The following ADGRV1 variants were observed in gnomAD, a reference collection of about 807,000 sequenced individuals.
ADGRV1 encodes the protein G-protein coupled receptor 98.
Under a neutral mutation model 596.2 loss-of-function variants are expected in ADGRV1, and 359 were observed. The observed-to-expected ratio is 0.60, with a 90% CI of 0.55 to 0.66. The LOEUF (loss-of-function observed/expected upper bound fraction) is 0.66, where lower values mean the gene tolerates loss of function less well. Ranked by LOEUF, ADGRV1 falls within the 30% of genes least tolerant of loss-of-function variation. The pLI, the probability that ADGRV1 is intolerant of heterozygous loss-of-function variation, is 0.00. For missense variants in ADGRV1, 7,274 were observed against 7,575.6 expected, an observed-to-expected ratio of 0.96 and a Z score of 1.48; for synonymous variants, 2,681 against 2,679.2, an observed-to-expected ratio of 1.00 and a Z score of -0.02.
chr5:90,595,555 G>A (rs1424722830), intron 1 of ADGRV1, among the ~76,000 whole-genome samples: 1 of 133,598 alleles, frequency 7.5e-6, no homozygotes, highest in Non-Finnish European at 1.6e-5. Context: ...CGGCTGGCCG[G>A]GCGGGGGGCT....
At chr5:91,102,066 T>C (rs1791428602) in intron 86 of ADGRV1, among the ~76,000 whole-genome samples, 153 bp from the exon 87 acceptor site, 1 of 152,204 alleles carries the variant, frequency 6.6e-6, no homozygotes, top group Non-Finnish European at 1.5e-5. Flanking sequence ...CTCAGCAATG[T>C]GCCTTCTCCC....
At chr5:91,091,325 C>T (rs766835398) in intron 86 of ADGRV1, among the ~76,000 whole-genome samples, 25 of 152,216 alleles carry the variant, frequency 1.6e-4, no homozygotes, top group Non-Finnish European at 3.2e-4. Flanking sequence ...TTTCTCTGTG[C>T]ACCTTCCCTA....
At chr5:91,094,354 G>T (rs1790663866) in intron 86 of ADGRV1, among the ~76,000 whole-genome samples, 1 of 151,838 alleles carries the variant, frequency 6.6e-6, no homozygotes, top group Non-Finnish European at 1.5e-5. Context: ...AGCTACTCGG[G>T]AGACTGAGGC....
At chr5:91,119,864 G>A (rs1215530469) in intron 87 of ADGRV1, among the ~76,000 whole-genome samples, 1 of 152,150 alleles carries the variant, frequency 6.6e-6, no homozygotes, top group Non-Finnish European at 1.5e-5. Flanking sequence ...AACAGCTATT[G>A]GATTTGCAGA....
intron 85 of ADGRV1, among the ~76,000 whole-genome samples, chr5:91,066,532 T>A (rs1787897791): frequency 6.6e-6 from 1 of 152,180 alleles, no homozygotes; most frequent in Non-Finnish European, 1.5e-5. Context: ...ATAATACCTA[T>A]CAGCTTTAAA....
chr5:90,650,943 G>A (rs1359608692), intron 17 of ADGRV1, among the ~76,000 whole-genome samples: 1 of 152,184 alleles, frequency 6.6e-6, no homozygotes, highest in Admixed American at 6.5e-5. Flanking sequence ...AACAGCTGGA[G>A]TAAAGATGAA....
chr5:90,932,466 C>G (rs762159637), intron 83 of ADGRV1, among the ~76,000 whole-genome samples: 25 of 152,010 alleles, frequency 1.6e-4, no homozygotes, highest in Non-Finnish European at 2.2e-4. Flanking sequence ...TTAAAACAAA[C>G]CAACAAAAAC....
Position 90,653,262 on chromosome 5 carries a change from G to A in ADGRV1, c.3688G>A (p.Val1230Ile), listed in dbSNP as rs1229215280. The change falls in exon 20 of 90, where the codon GTA (valine) becomes ATA (isoleucine). Residue 1230 changes from valine to isoleucine, a missense_variant. By Grantham distance (29) the Val-to-Ile change is conservative. Around this residue, in one of 5 missense-constraint regions of ADGRV1, gnomAD observed 1,715 missense variants for 1,708.8 expected, o/e 1.00. Coordinates refer to ENST00000405460, the MANE Select transcript of ADGRV1 (RefSeq NM_032119.4). ...AGCAGAAACCAACCTCCAGGTGACA[G>A]TAATGGTTCCATTCAATGATGATCC... ...QLAETNLQVT[V>I]MVPFNDDPFG... is the part of the protein sequence containing the mutation. 6.2e-7 allele frequency: 1 copy of A among 1,613,728 alleles called. No homozygotes were observed. The highest frequency in any genetic ancestry group is 8.5e-7 in the Non-Finnish European group (1 of 1,179,768).
chr5:90,823,477 G>T lies in ADGRV1; in HGVS notation c.16249G>T (p.Val5417Phe), dbSNP rs375876245. ...FWRVTLNKTV[V>F]VLQKDGVNLV... The stretch of plus-strand genomic sequence containing the variant: ...GCGAGTCACACTTAACAAAACAGTC[G>T]TCGTGCTCCAGAAGGATGGGGTAAA... Residue 5417 changes from valine to phenylalanine, a missense_variant, in exon 76 of 90, where the codon GTC (valine) becomes TTC (phenylalanine). By Grantham distance (50) the Val-to-Phe change is conservative (BLOSUM62 -1). Transcript: ENST00000405460. The T allele has an allele frequency of 3.7e-6, 6 of 1,613,900 alleles. No individual in the cohort carries two copies. The South Asian group carries it at 5.5e-5, about 15-fold the overall frequency.
intron 21 of ADGRV1, among the ~76,000 whole-genome samples, chr5:90,666,864 T>A (rs1580662316): frequency 1.3e-5 from 2 of 151,826 alleles, no homozygotes; most frequent in East Asian, 3.9e-4. Flanking sequence ...TCTCCTTCAC[T>A]TATGAAGCTT....
chr5:90,564,952 G>A (rs1755436477), intron 1 of ADGRV1, among the ~76,000 whole-genome samples: 1 of 151,432 alleles, frequency 6.6e-6, no homozygotes, highest in African/African-American at 2.4e-5. Context: ...AAAAAGTTGT[G>A]GCCTGGGCGT....
chr5:90,935,842 G>A (rs1775638407), intron 83 of ADGRV1, among the ~76,000 whole-genome samples: 1 of 152,176 alleles, frequency 6.6e-6, no homozygotes, highest in South Asian at 2.1e-4. Context: ...AGCCCAGGCA[G>A]TGACACACAC....
chr5:91,067,310 A>G (rs1787969970), intron 85 of ADGRV1, among the ~76,000 whole-genome samples: 1 of 151,768 alleles, frequency 6.6e-6, no homozygotes, highest in Non-Finnish European at 1.5e-5. Flanking sequence ...CACCCAGCTA[A>G]TTTTGTATTT....
intron 88 of ADGRV1, 74 bp downstream of exon 88, chr5:91,150,295 C>A: frequency 8.7e-7 from 1 of 1,147,802 alleles, no homozygotes; most frequent in Non-Finnish European, 1.2e-6. Flanking sequence ...GTCTCTCTCT[C>A]TGTGTCTGTC....
At chr5:90,696,752 T>C (rs917874240) in intron 33 of ADGRV1, among the ~76,000 whole-genome samples, 185 bp from the exon 34 acceptor site, 11 of 151,702 alleles carry the variant, frequency 7.3e-5, no homozygotes, top group African/African-American at 2.6e-4. Flanking sequence ...TTACAGTGTT[T>C]GATATGTGAA....
At chr5:90,710,262 A>G (rs1749162332) in intron 39 of ADGRV1, among the ~76,000 whole-genome samples, 3 of 152,180 alleles carry the variant, frequency 2.0e-5, no homozygotes, top group African/African-American at 4.8e-5. Context: ...TCAAAACCAA[A>G]CCAAAACACT....
At chr5:91,047,025 G>A (rs771618176) in intron 85 of ADGRV1, among the ~76,000 whole-genome samples, 4 of 152,050 alleles carry the variant, frequency 2.6e-5, no homozygotes, top group Non-Finnish European at 5.9e-5. Context: ...AATAGATACC[G>A]GCGTGGATGC....
chr5:90,976,617 C>G (rs778143957), intron 84 of ADGRV1, among the ~76,000 whole-genome samples: 2 of 151,830 alleles, frequency 1.3e-5, no homozygotes, highest in Non-Finnish European at 2.9e-5. Flanking sequence ...GAAACATGCT[C>G]TCAGTTGGAT....
At chr5:91,055,506 T>C (rs1269031525) in intron 85 of ADGRV1, among the ~76,000 whole-genome samples, 1 of 152,072 alleles carries the variant, frequency 6.6e-6, no homozygotes. Context: ...GGGGAAAAAA[T>C]AGATTTTATT....
Sources: allele counts gnomAD v4.1 joint callset (sites outside exome capture counted in the v4.1 genomes callset), GRCh38; gene constraint gnomAD v4.1.1; regional missense constraint gnomAD v4.1.1; transcripts MANE v1.5; gene names NCBI Gene and HGNC (gene_info 2026-07-23, HGNC 2026-07-21).